SEMA3E: variants seen among roughly 807,000 people sequenced by gnomAD.
SEMA3E encodes semaphorin 3E, also known as semaphorin-3E.
In SEMA3E, 49 loss-of-function variants were observed where a neutral mutation model predicts 93.6. That is an observed-to-expected ratio of 0.52 (90% CI 0.42 to 0.66). SEMA3E has a LOEUF of 0.66. SEMA3E is among the 30% of genes least tolerant of loss of function. The pLI is 0.00. For missense variants in SEMA3E, 906 were observed against 964.8 expected, an observed-to-expected ratio of 0.94 and a Z score of 0.81; for synonymous variants, 363 against 330.7, an observed-to-expected ratio of 1.10 and a Z score of -1.06.
chr7:83,426,402 T>C (rs113543520), intron 4 of SEMA3E, among the ~76,000 whole-genome samples: 35 of 104,458 alleles, frequency 3.4e-4, no homozygotes, highest in Non-Finnish European at 5.4e-4. Context: ...GTCATAAAAA[T>C]AAAATAATTC....
chr7:83,495,710 G>T lies in SEMA3E; in HGVS notation c.116-5436C>A, dbSNP rs75444128. ...CATCAAAGACGCAAAAAGTGAATTTGCATAAAAAGAATTCAACTTCATTAA... is the reference window on the plus strand; with the variant it reads ...CATCAAAGACGCAAAAAGTGAATTTTCATAAAAAGAATTCAACTTCATTAA... On this transcript the variant is annotated intron_variant, in intron 1 of 16. Coordinates refer to ENST00000643230, the MANE Select transcript of SEMA3E (RefSeq NM_012431.3). 1.3e-4 allele frequency among the ~76,000 whole-genome samples: 19 copies of T among 151,976 alleles called. No individual in the cohort carries two copies. In the East Asian group the frequency reaches 3.7e-3, roughly 29 times the overall value.
intron 4 of SEMA3E, among the ~76,000 whole-genome samples, chr7:83,445,996 T>A (rs1027276108): frequency 6.6e-6 from 1 of 152,116 alleles, no homozygotes; most frequent in Admixed American, 6.5e-5. Context: ...TACATTCCAG[T>A]CCCTAAGGCA....
intron 1 of SEMA3E, among the ~76,000 whole-genome samples, chr7:83,545,369 C>T (rs1035971050): frequency 6.6e-6 from 1 of 151,936 alleles, no homozygotes; most frequent in Non-Finnish European, 1.5e-5. Flanking sequence ...TCCTTCCAGG[C>T]CACAGTGATT....
At chr7:83,409,575 A>G (rs1248968294) in intron 5 of SEMA3E, among the ~76,000 whole-genome samples, 2 of 152,148 alleles carry the variant, frequency 1.3e-5, no homozygotes, top group Admixed American at 6.6e-5. Context: ...TAAGTTTGCA[A>G]TGTGTATGCA....
chr7:83,586,546 C>T (rs1490516117), intron 1 of SEMA3E, among the ~76,000 whole-genome samples: 1 of 151,634 alleles, frequency 6.6e-6, no homozygotes, highest in Non-Finnish European at 1.5e-5. Context: ...CTTGAAAGTT[C>T]TTTCTAGTTG....
At chr7:83,370,136 CCTTT>C (rs889449867) in intron 16 of SEMA3E, among the ~76,000 whole-genome samples, 4 of 152,054 alleles carry the variant, frequency 2.6e-5, no homozygotes, top group African/African-American at 7.2e-5. Context: ...TACTTTTATT[CCTTT>C]GTTTCAGCCA....
chr7:83,517,705 A>T (rs931226440), intron 1 of SEMA3E, among the ~76,000 whole-genome samples: 1 of 152,176 alleles, frequency 6.6e-6, no homozygotes, highest in African/African-American at 2.4e-5. Flanking sequence ...AAAAATAGGG[A>T]ATGAGGAAAA....
chr7:83,541,973 G>A (rs535674426), intron 1 of SEMA3E, among the ~76,000 whole-genome samples: 1 of 152,156 alleles, frequency 6.6e-6, no homozygotes, highest in South Asian at 2.1e-4. Flanking sequence ...CTGACATAAT[G>A]TTGCTTGGTG....
At chr7:83,423,801 G>A (rs949626104) in intron 4 of SEMA3E, among the ~76,000 whole-genome samples, 1 of 151,848 alleles carries the variant, frequency 6.6e-6, no homozygotes, top group Admixed American at 6.6e-5. Context: ...ATGAGCCACT[G>A]CACCCAGCCT....
intron 1 of SEMA3E, among the ~76,000 whole-genome samples, chr7:83,629,200 C>T (rs1793736447): frequency 6.6e-6 from 1 of 152,180 alleles, no homozygotes; most frequent in Admixed American, 6.5e-5. Flanking sequence ...AGAGGGGCAC[C>T]TGCCAGTTGC....
intron 7 of SEMA3E, 29 bp from the exon 8 acceptor site, chr7:83,406,088 T>C (rs765979294): frequency 6.8e-7 from 1 of 1,479,924 alleles, no homozygotes; most frequent in Non-Finnish European, 9.5e-7. Flanking sequence ...AGGTAAATAG[T>C]TACCTAAAGA....
intron 4 of SEMA3E, among the ~76,000 whole-genome samples, chr7:83,457,834 G>C (rs1463727046): frequency 6.6e-6 from 1 of 152,050 alleles, no homozygotes; most frequent in African/African-American, 2.4e-5. Flanking sequence ...TTTATCTCCT[G>C]CTGTTCTCTA....
intron 1 of SEMA3E, among the ~76,000 whole-genome samples, chr7:83,537,295 A>T (rs1459171459): frequency 6.6e-6 from 1 of 152,198 alleles, no homozygotes. Context: ...AAATATTTAA[A>T]CAATTTTTTA....
At chr7:83,453,301 A>AT (rs1789402048) in intron 4 of SEMA3E, among the ~76,000 whole-genome samples, 1 of 152,076 alleles carries the variant, frequency 6.6e-6, no homozygotes, top group African/African-American at 2.4e-5. Context: ...AAGTGCTGGG[A>AT]TTACAGGCAT....
At chr7:83,396,520 G>A in intron 12 of SEMA3E, 118 bp downstream of exon 12, 1 of 654,178 alleles carries the variant, frequency 1.5e-6, no homozygotes, top group Non-Finnish European at 2.8e-6. Flanking sequence ...ACTTATATTA[G>A]CTCTGAATCC....
Position 83,406,055 on chromosome 7 carries a change from T to C in SEMA3E, c.818A>G (p.Asp273Gly). 1.2e-6 allele frequency: 2 copies of C among 1,610,416 alleles called. No homozygotes were observed. Among genetic ancestry groups the C allele is most frequent in the Non-Finnish European group, 1.7e-6 (2 of 1,176,948 alleles). ...CACCAGTATTCTCTGCCCTCCTACATCATTCTGTGAAAACCAAAAAGGAGG... is the reference window on the plus strand; with the variant it reads ...CACCAGTATTCTCTGCCCTCCTACACCATTCTGTGAAAACCAAAAAGGAGG... ...YTRVGRLCVN[D>G]VGGQRILVNK... is the part of the protein sequence containing the mutation. Residue 273 changes from aspartate to glycine, a missense_variant, in exon 8 of 17, where the codon GAT (aspartate) becomes GGT (glycine). Physicochemically the swap from Asp to Gly is moderately conservative, Grantham distance 94 (BLOSUM62 -1). Coordinates refer to ENST00000643230, the MANE Select transcript of SEMA3E (RefSeq NM_012431.3).
At chr7:83,452,941 T>C (rs951881448) in intron 4 of SEMA3E, among the ~76,000 whole-genome samples, 3 of 152,194 alleles carry the variant, frequency 2.0e-5, no homozygotes, top group African/African-American at 7.2e-5. Flanking sequence ...AGAAACAATG[T>C]AGAAAATGGC....
intron 1 of SEMA3E, among the ~76,000 whole-genome samples, chr7:83,598,311 T>C (rs1792917796): frequency 1.3e-5 from 2 of 152,146 alleles, no homozygotes; most frequent in Non-Finnish European, 2.9e-5. Context: ...GAAATGTTCA[T>C]TATATCAAAA....
intron 1 of SEMA3E, among the ~76,000 whole-genome samples, chr7:83,574,064 ATT>A (rs1464058791): frequency 1.3e-5 from 2 of 152,118 alleles, no homozygotes; most frequent in East Asian, 1.9e-4. Context: ...TAACACTGCA[ATT>A]TGATCTTCAA....
Sources: gnomAD v4.1 joint callset for allele counts (sites outside exome capture counted in the v4.1 genomes callset) on GRCh38, gnomAD v4.1.1 for gene constraint, MANE v1.5 for transcripts, NCBI Gene and HGNC (gene_info 2026-07-23, HGNC 2026-07-21) for gene names.